WDR25: variants seen among roughly 807,000 people sequenced by gnomAD.
WDR25 encodes the protein WD repeat domain 25.
In WDR25, 35 loss-of-function variants were observed where a neutral mutation model predicts 47.7. The observed-to-expected ratio is 0.73, with a 90% CI of 0.56 to 0.97. The LOEUF (loss-of-function observed/expected upper bound fraction) is 0.97. Ranked by LOEUF, WDR25 falls within the 50% of genes least tolerant of loss-of-function variation. The pLI, the probability that WDR25 is intolerant of heterozygous loss-of-function variation, is 0.00. For missense variants in WDR25, 634 were observed against 704.7 expected (o/e 0.90, Z 1.14); for synonymous variants, 248 against 278.9 (o/e 0.89, Z 1.10).
At chr14:100,377,559 C>G (rs1206567625) in intron 1 of WDR25, among the ~76,000 whole-genome samples, 1 of 151,984 alleles carries the variant, frequency 6.6e-6, no homozygotes, top group African/African-American at 2.4e-5. Flanking sequence ...ATCCGCCCTT[C>G]TCGGCCTCCT....
chr14:100,470,355 CAG>C (rs1464084197), intron 3 of WDR25, among the ~76,000 whole-genome samples: 6 of 152,284 alleles, frequency 3.9e-5, no homozygotes, highest in African/African-American at 1.4e-4. Flanking sequence ...ACACCGCTCA[CAG>C]AGTGACAAGC....
At chr14:100,387,087 G>A (rs551384874) in intron 2 of WDR25, among the ~76,000 whole-genome samples, 1 of 151,628 alleles carries the variant, frequency 6.6e-6, no homozygotes, top group South Asian at 2.1e-4. Context: ...TGATCCCCTA[G>A]TTCCTCACTG....
chr14:100,467,342 A>G (rs1899666973), intron 2 of WDR25, among the ~76,000 whole-genome samples: 1 of 151,872 alleles, frequency 6.6e-6, no homozygotes, highest in African/African-American at 2.4e-5. Context: ...ATAAGATGCC[A>G]GGGATGCAGG....
chr14:100,442,111 T>G (rs1898688087), intron 2 of WDR25, among the ~76,000 whole-genome samples: 1 of 152,214 alleles, frequency 6.6e-6, no homozygotes, highest in South Asian at 2.1e-4. Context: ...GAGCCATGCT[T>G]GAGCTCTTCT....
intron 2 of WDR25, among the ~76,000 whole-genome samples, chr14:100,383,826 CTG>C (rs1285850395): frequency 2.0e-5 from 3 of 152,214 alleles, no homozygotes; most frequent in Non-Finnish European, 4.4e-5. Context: ...GGAGGGGAAA[CTG>C]TGAGCAGCCA....
chr14:100,414,816 A>G (rs1482255752), intron 2 of WDR25, among the ~76,000 whole-genome samples: 1 of 151,822 alleles, frequency 6.6e-6, no homozygotes, highest in African/African-American at 2.4e-5. Flanking sequence ...AGGCAGGAGA[A>G]TCGCGTGAAC....
At position 100,483,974 on chromosome 14, in the gene WDR25, C is replaced by T; in HGVS notation, c.971-20C>T. On this transcript the variant is annotated intron_variant, in intron 3 of 6. Coordinates refer to ENST00000402312, the MANE Select transcript of WDR25 (RefSeq NM_001161476.3). Reference sequence around the variant, plus strand: ...TGACCTAAGTACTTTCTAACCCTCTCTTCTCTTTTTGTGTTGTAGGAACCC... The same window carrying T: ...TGACCTAAGTACTTTCTAACCCTCTTTTCTCTTTTTGTGTTGTAGGAACCC... The T allele has an allele frequency of 4.4e-6, 7 of 1,600,046 alleles. No homozygotes were observed. The highest frequency in any genetic ancestry group is 6.0e-6 in the Non-Finnish European group (7 of 1,175,204).
chr14:100,416,901 T>A (rs1897884791), intron 2 of WDR25, among the ~76,000 whole-genome samples: 1 of 152,196 alleles, frequency 6.6e-6, no homozygotes, highest in Admixed American at 6.5e-5. Flanking sequence ...TGATTTGAAC[T>A]GAGGAGAAAA....
chr14:100,396,007 C>T lies in WDR25; in HGVS notation c.822+14261C>T, dbSNP rs561927682. ...TTTTTTTTTTTTTGAGACGGAGTCT[C>T]GCTCTGTCGCCCAGGTTGGAGTGCA... On this transcript the variant is annotated intron_variant, in intron 2 of 6. Transcript: ENST00000402312. 8.7e-5 allele frequency among the ~76,000 whole-genome samples: 12 copies of T among 138,602 alleles called. No individual in the cohort carries two copies. In the South Asian group the frequency reaches 1.2e-3, roughly 13 times the overall value. 90.9% of individuals were successfully genotyped at this position (138,602 alleles called of 152,430 possible).
At chr14:100,397,629 G>C (rs1257038803) in intron 2 of WDR25, among the ~76,000 whole-genome samples, 2 of 152,202 alleles carry the variant, frequency 1.3e-5, no homozygotes, top group African/African-American at 4.8e-5. Context: ...AACAGCCTGG[G>C]AGGGGCAGTG....
At chr14:100,501,588 A>G (rs191064203) in intron 4 of WDR25, among the ~76,000 whole-genome samples, 1 of 152,306 alleles carries the variant, frequency 6.6e-6, no homozygotes, top group African/African-American at 2.4e-5. Flanking sequence ...TAAAGGGAGA[A>G]GTGAATTAAT....
chr14:100,448,149 C>T (rs1376838421), intron 2 of WDR25, among the ~76,000 whole-genome samples: 3 of 139,594 alleles, frequency 2.1e-5, no homozygotes, highest in Non-Finnish European at 3.0e-5. Context: ...GAGCCGAGAT[C>T]GTGCCATTGC....
At chr14:100,402,266 A>G (rs1450192122) in intron 2 of WDR25, among the ~76,000 whole-genome samples, 2 of 152,138 alleles carry the variant, frequency 1.3e-5, no homozygotes. Flanking sequence ...CCTCGGTATA[A>G]TCATAAAGCT....
intron 4 of WDR25, among the ~76,000 whole-genome samples, chr14:100,489,028 C>T (rs1055682955): frequency 1.3e-5 from 2 of 152,226 alleles, no homozygotes; most frequent in African/African-American, 4.8e-5. Context: ...CTGCCCACAA[C>T]CTCAGGGGCA....
intron 4 of WDR25, among the ~76,000 whole-genome samples, chr14:100,507,666 T>TA (rs935339682): frequency 2.0e-5 from 3 of 151,702 alleles, no homozygotes; most frequent in Middle Eastern, 3.4e-3. Flanking sequence ...TTTTTTTTTT[T>TA]ATGGCTGTTG....
chr14:100,484,466 GT>G lies in WDR25; in HGVS notation c.1101+343del, dbSNP rs557071942. On this transcript the variant is annotated intron_variant, in intron 4 of 6. Coordinates refer to ENST00000402312, the MANE Select transcript of WDR25 (RefSeq NM_001161476.3). ...GATGACTTTGGTACAGAGAATTGGT[GT>G]GTGTGTGTGTGTGTGTGCGTGTGTG... 0.02 allele frequency among the ~76,000 whole-genome samples: 319 copies of G among 16,282 alleles called. 4 individuals are homozygous for G. In the African/African-American group the frequency reaches 0.32, roughly 16 times the overall value. The allele number at this position is 16,282 out of a possible 152,430, so 10.7% of individuals were successfully genotyped here. A position where few individuals can be genotyped will look rare whatever the true frequency, so the allele number is the denominator to read the frequency against.
intron 2 of WDR25, among the ~76,000 whole-genome samples, chr14:100,438,049 AAGT>A (rs1898554683): frequency 6.6e-6 from 1 of 152,202 alleles, no homozygotes; most frequent in African/African-American, 2.4e-5. Flanking sequence ...AGAGTAAACA[AAGT>A]AGTAGGTAGA....
At chr14:100,521,016 G>A (rs1437830891) in intron 4 of WDR25, among the ~76,000 whole-genome samples, 1 of 152,132 alleles carries the variant, frequency 6.6e-6, no homozygotes, top group African/African-American at 2.4e-5. Context: ...AGTTAATTTT[G>A]TTGCATAATT....
rs551274978 is a variant in WDR25 at position 100,440,595 on chromosome 14, G to A, written c.823-27426G>A. On this transcript the variant is annotated intron_variant, in intron 2 of 6. Transcript: ENST00000402312. This position sits in a 1 kb window ranked among gnomAD's most constrained non-coding sequence, Gnocchi z 4.4. Reference sequence around the variant, plus strand: ...GGCTCCTGCTTTGTCCATGTGGAAGGAGCCCAGGCTGCCCTGGCTGCTATA... The same window carrying A: ...GGCTCCTGCTTTGTCCATGTGGAAGAAGCCCAGGCTGCCCTGGCTGCTATA... Among the ~76,000 whole-genome samples the A allele has an allele frequency of 5.9e-5, 9 of 152,380 alleles. No homozygotes were observed. In the East Asian group the frequency reaches 1.7e-3, roughly 29 times the overall value.
Sources: gnomAD v4.1 joint callset for allele counts (sites outside exome capture counted in the v4.1 genomes callset) on GRCh38, gnomAD v4.1.1 for gene constraint, Gnocchi (gnomAD v3.1) non-coding constraint, MANE v1.5 for transcripts, NCBI Gene and HGNC (gene_info 2026-07-23, HGNC 2026-07-21) for gene names.